SGCD: variants seen among roughly 807,000 people sequenced by gnomAD.
SGCD encodes the protein delta-sarcoglycan.
Under a neutral mutation model 36.6 loss-of-function variants are expected in SGCD, and 18 were observed. That is an observed-to-expected ratio of 0.49 (90% CI 0.34 to 0.73). The LOEUF is 0.73. Ranked by LOEUF, SGCD falls within the 30% of genes least tolerant of loss-of-function variation. SGCD has a pLI of 0.01. For missense variants in SGCD, 387 were observed against 346.7 expected, an observed-to-expected ratio of 1.12 and a Z score of -0.92; for synonymous variants, 133 against 130.6, an observed-to-expected ratio of 1.02 and a Z score of -0.12.
At chr5:156,441,902 G>T (rs188711296) in intron 3 of SGCD, among the ~76,000 whole-genome samples, 1 of 152,118 alleles carries the variant, frequency 6.6e-6, no homozygotes, top group African/African-American at 2.4e-5. Context: ...GCTGATTTGC[G>T]TGGAAGAAAT....
At chr5:156,503,916 T>C (rs1835912) in intron 3 of SGCD, among the ~76,000 whole-genome samples, 40,029 of 151,892 alleles carry the variant, frequency 0.26, 5,591 homozygotes, top group Non-Finnish European at 0.32. Context: ...AAAATTAGAA[T>C]GTACAGCCCA....
At chr5:156,613,441 G>A (rs1007703453) in intron 6 of SGCD, among the ~76,000 whole-genome samples, 14 of 152,190 alleles carry the variant, frequency 9.2e-5, no homozygotes, top group African/African-American at 3.1e-4. Flanking sequence ...GTATTACACA[G>A]CCCTTTTCAC....
At chr5:156,100,281 G>A (rs963512791) in intron 1 of SGCD, among the ~76,000 whole-genome samples, 3 of 151,128 alleles carry the variant, frequency 2.0e-5, no homozygotes, top group Non-Finnish European at 2.9e-5. Flanking sequence ...ACTAGGATTG[G>A]CTTAAAACAA....
intron 3 of SGCD, among the ~76,000 whole-genome samples, chr5:156,380,502 T>A (rs1446335046): frequency 1.3e-5 from 2 of 152,168 alleles, no homozygotes; most frequent in Non-Finnish European, 2.9e-5. Flanking sequence ...TCAAAGAAAA[T>A]CTTAGCAAAT....
At chr5:156,200,488 C>T (rs959372807) in intron 3 of SGCD, among the ~76,000 whole-genome samples, 2 of 152,106 alleles carry the variant, frequency 1.3e-5, no homozygotes, top group African/African-American at 2.4e-5. Flanking sequence ...TCACCATTAC[C>T]TTATAGCATT....
intron 4 of SGCD, among the ~76,000 whole-genome samples, chr5:156,520,339 C>T (rs1757347417): frequency 6.6e-6 from 1 of 152,140 alleles, no homozygotes; most frequent in Non-Finnish European, 1.5e-5. Context: ...AGGAGAGTTA[C>T]AAACTACTGC....
chr5:155,750,397 A>G, the SGCD span, among the ~76,000 whole-genome samples: 1 of 152,186 alleles, frequency 6.6e-6, no homozygotes, highest in Non-Finnish European at 1.5e-5. Context: ...TTAAACAGAG[A>G]CCAGAGCCTG....
rs561328077 is a variant in SGCD, at chr5:156,056,645, T to TAAAAAAAAAAAAAAAAAAAAAAAAAAA, written c.-281-61213_-281-61212insAAAAAAAAAAAAAAAAAAAAAAAAAAA. On this transcript the variant is annotated intron_variant, in intron 1 of 9. Coordinates refer to the SGCD transcript ENST00000517913. ...GGTCCCCTACCTGCCAAATTATCCT[T>TAAAAAAAAAAAAAAAAAAAAAAAAAAA]AAAAAAAAAAAAAAAAAAAACAGTC... 7.3e-5 allele frequency among the ~76,000 whole-genome samples: 5 copies of TAAAAAAAAAAAAAAAAAAAAAAAAAAA among 68,280 alleles called. No individual in the cohort carries two copies. In the East Asian group the frequency reaches 2.5e-3, roughly 35 times the overall value. The allele number at this position is 68,280 out of a possible 152,430, so 44.8% of individuals were successfully genotyped here.
chr5:156,668,274 C>A (rs1753138637), intron 7 of SGCD, among the ~76,000 whole-genome samples: 3 of 152,148 alleles, frequency 2.0e-5, no homozygotes, highest in African/African-American at 7.2e-5. Context: ...ACTAGTTAAC[C>A]CAAATATTTA....
intron 1 of SGCD, among the ~76,000 whole-genome samples, chr5:155,910,656 C>A (rs1756611459): frequency 6.6e-6 from 1 of 152,206 alleles, no homozygotes; most frequent in South Asian, 2.1e-4. Flanking sequence ...AGATTGGGTA[C>A]ACTCTTGCCT....
rs72797605 is a variant in SGCD at position 155,881,453 on chromosome 5, A to G, written c.-282+11029A>G. On this transcript the variant is annotated intron_variant, in intron 1 of 9. Transcript: ENST00000517913. ...TGTCTAAAACAATGTAAATACCTTAATTAAAAAATACTATATTGCTAAAAG... is the reference window on the plus strand; with the variant it reads ...TGTCTAAAACAATGTAAATACCTTAGTTAAAAAATACTATATTGCTAAAAG... Among the ~76,000 whole-genome samples, 269 of 152,306 alleles carry G rather than the reference A, an allele frequency of 1.8e-3. 1 individual carries two copies. Among genetic ancestry groups the G allele is most frequent in the South Asian group, 0.011 (52 of 4,830 alleles).
At chr5:156,009,036 T>C (rs1295090407) in intron 1 of SGCD, among the ~76,000 whole-genome samples, 1 of 152,122 alleles carries the variant, frequency 6.6e-6, no homozygotes, top group African/African-American at 2.4e-5. Flanking sequence ...AGCCTGAAAT[T>C]CTCATGGTTA....
At chr5:156,672,017 C>G (rs1753316521) in intron 7 of SGCD, among the ~76,000 whole-genome samples, 2 of 152,270 alleles carry the variant, frequency 1.3e-5, no homozygotes, top group South Asian at 4.1e-4. Flanking sequence ...GCCCCCATGA[C>G]CCAAACACCT....
intron 1 of SGCD, among the ~76,000 whole-genome samples, chr5:155,983,591 C>T (rs1040187572): frequency 6.6e-6 from 1 of 152,184 alleles, no homozygotes. Context: ...TAAGCCACCA[C>T]ACCCAGCCTA....
intron 1 of SGCD, among the ~76,000 whole-genome samples, chr5:156,051,747 C>A (rs1759921861): frequency 6.9e-6 from 1 of 145,062 alleles, no homozygotes; most frequent in Non-Finnish European, 1.6e-5. Flanking sequence ...AAGCATAGTG[C>A]AATAGGAAGG....
At chr5:155,733,177 T>C in the SGCD span, among the ~76,000 whole-genome samples, 1,391 of 152,276 alleles carry the variant, frequency 9.1e-3, 28 homozygotes, top group African/African-American at 0.032. Context: ...TCAAGTTCAG[T>C]GTCCCAATTT....
chr5:156,287,743 T>C (rs1016299976), intron 3 of SGCD, among the ~76,000 whole-genome samples: 2 of 151,818 alleles, frequency 1.3e-5, no homozygotes, highest in African/African-American at 4.8e-5. Flanking sequence ...GTTTTAAAGC[T>C]TAGAGATAGG....
At chr5:156,369,329 G>A (rs1213341391) in intron 3 of SGCD, among the ~76,000 whole-genome samples, 2 of 152,180 alleles carry the variant, frequency 1.3e-5, no homozygotes, top group Admixed American at 1.3e-4. Context: ...TTTGGATTAG[G>A]AGTCAAGACA....
At chr5:156,402,263 T>C (rs1772196696) in intron 3 of SGCD, among the ~76,000 whole-genome samples, 1 of 152,208 alleles carries the variant, frequency 6.6e-6, no homozygotes, top group Non-Finnish European at 1.5e-5. Flanking sequence ...CTGTTTTCCA[T>C]TATTTTGGGT....
Sources: allele counts gnomAD v4.1 joint callset (sites outside exome capture counted in the v4.1 genomes callset), GRCh38; gene constraint gnomAD v4.1.1; transcripts MANE v1.5; gene names NCBI Gene and HGNC (gene_info 2026-07-23, HGNC 2026-07-21).